The following MLLT10 variants were observed in gnomAD, a reference collection of about 807,000 sequenced individuals.
MLLT10 encodes the protein MLLT10 histone lysine methyltransferase DOT1L cofactor.
MLLT10 carries 30 observed loss-of-function variants against 129.1 expected under a neutral mutation model. The observed-to-expected ratio is 0.23, with a 90% CI of 0.17 to 0.32. MLLT10 has a LOEUF of 0.32. Among genes scored for constraint, MLLT10 ranks in the 10% least tolerant of loss-of-function variants. MLLT10 has a pLI of 1.00. For missense variants in MLLT10, 1,119 were observed against 1,268.3 expected, an observed-to-expected ratio of 0.88 and a Z score of 1.79; for synonymous variants, 490 against 446.4, an observed-to-expected ratio of 1.10 and a Z score of -1.23.
chr10:21,534,043 C>T (rs906662894), upstream of MLLT10: 66 of 166,736 alleles, frequency 4.0e-4, no homozygotes, highest in African/African-American at 1.5e-3. Context: ...CGCGCCCGTT[C>T]ATTCCGGCCT....
intron 8 of MLLT10, among the ~76,000 whole-genome samples, chr10:21,631,891 T>A (rs2047044964): frequency 6.6e-6 from 1 of 151,704 alleles, no homozygotes. Context: ...CCTTTGAAAG[T>A]TAGATAAATC....
chr10:21,580,489 C>T (rs2041289160), intron 3 of MLLT10, among the ~76,000 whole-genome samples: 1 of 149,926 alleles, frequency 6.7e-6, no homozygotes, highest in African/African-American at 2.5e-5. Context: ...CCTGGATTCA[C>T]GCCATTCTCC....
At chr10:21,624,493 A>G (rs1020198324) in intron 8 of MLLT10, 6 of 647,734 alleles carry the variant, frequency 9.3e-6, no homozygotes, top group African/African-American at 7.4e-5. Flanking sequence ...GCAAATTGCT[A>G]CTTAAAGATG....
At chr10:21,640,403 G>A (rs2047892511) in intron 8 of MLLT10, among the ~76,000 whole-genome samples, 1 of 150,156 alleles carries the variant, frequency 6.7e-6, no homozygotes, top group Non-Finnish European at 1.5e-5. Flanking sequence ...TATCACAGAA[G>A]TCTATCATTT....
At chr10:21,736,685 C>T (rs766090326) in intron 21 of MLLT10, among the ~76,000 whole-genome samples, 2 of 152,184 alleles carry the variant, frequency 1.3e-5, no homozygotes, top group Non-Finnish European at 2.9e-5. Context: ...TGTGGGAGAA[C>T]AGAACCCAAC....
chr10:21,710,911 T>G, intron 13 of MLLT10, among the ~76,000 whole-genome samples: 1 of 152,246 alleles, frequency 6.6e-6, no homozygotes, highest in East Asian at 1.9e-4. Flanking sequence ...TGTTCCTGTT[T>G]CAGTGAATGG....
At chr10:21,651,903 CTTTTTTTTTTTTTTT>C (rs775460288) in intron 9 of MLLT10, 135 bp downstream of exon 9, 15 of 133,772 alleles carry the variant, frequency 1.1e-4, no homozygotes, top group East Asian at 5.2e-4. Context: ...ATTCTCATTT[CTTTTTTTTTTTTTTT>C]TTTTTTTTTT....
chr10:21,578,703 T>C (rs2041052460), intron 3 of MLLT10, among the ~76,000 whole-genome samples: 1 of 152,222 alleles, frequency 6.6e-6, no homozygotes, highest in Non-Finnish European at 1.5e-5. Flanking sequence ...TATATTTCTT[T>C]ACTCTTTTCA....
At chr10:21,636,157 G>A (rs1313822665) in intron 8 of MLLT10, among the ~76,000 whole-genome samples, 1 of 151,878 alleles carries the variant, frequency 6.6e-6, no homozygotes, top group Non-Finnish European at 1.5e-5. Context: ...GTCTCACTCT[G>A]TCACCTAAAC....
At chr10:21,676,187 T>TG (rs1181335692) in intron 11 of MLLT10, among the ~76,000 whole-genome samples, 1 of 151,804 alleles carries the variant, frequency 6.6e-6, no homozygotes, top group Non-Finnish European at 1.5e-5. Flanking sequence ...CCCAGCACTT[T>TG]GGGAGGCTGA....
chr10:21,741,032 C>CTGTT (rs2058788416), intron 22 of MLLT10, among the ~76,000 whole-genome samples: 1 of 152,176 alleles, frequency 6.6e-6, no homozygotes, highest in Non-Finnish European at 1.5e-5. Context: ...GCAGTGTTTG[C>CTGTT]TGTTTCCCGT....
intron 2 of MLLT10, among the ~76,000 whole-genome samples, 184 bp downstream of exon 2, chr10:21,534,988 A>G (rs1418873584): frequency 2.0e-5 from 3 of 148,504 alleles, no homozygotes; most frequent in African/African-American, 4.9e-5. Context: ...TGTGGCCCGG[A>G]CTGTCATGTG....
intron 8 of MLLT10, among the ~76,000 whole-genome samples, chr10:21,621,327 C>G (rs2045829376): frequency 6.7e-6 from 1 of 149,710 alleles, no homozygotes; most frequent in South Asian, 2.1e-4. Flanking sequence ...TTACTGCAAG[C>G]TCCGCCTTCC....
intron 6 of MLLT10, among the ~76,000 whole-genome samples, chr10:21,613,694 G>A (rs1207653970): frequency 6.6e-6 from 1 of 150,886 alleles, no homozygotes; most frequent in Non-Finnish European, 1.5e-5. Flanking sequence ...CCTGAGCTCA[G>A]GAGTTCAGAG....
At chr10:21,649,316 A>G (rs1238380113) in intron 8 of MLLT10, among the ~76,000 whole-genome samples, 2 of 152,056 alleles carry the variant, frequency 1.3e-5, no homozygotes, top group East Asian at 3.9e-4. Flanking sequence ...GGCTTAAGTG[A>G]TCCTCCTGCC....
intron 14 of MLLT10, among the ~76,000 whole-genome samples, chr10:21,717,686 CTCCTCCTCCTCCTCT>C (rs1564710996): frequency 2.4e-4 from 14 of 59,132 alleles, no homozygotes; most frequent in Non-Finnish European, 3.5e-4. Context: ...CTTCCTCCTC[CTCCTCCTCCTCCTCT>C]TCCTCCTCCT....
At chr10:21,702,692 A>G (rs180944576) in intron 13 of MLLT10, among the ~76,000 whole-genome samples, 6 of 149,042 alleles carry the variant, frequency 4.0e-5, no homozygotes, top group African/African-American at 7.4e-5. Flanking sequence ...TCTTTTTTAC[A>G]GTTTTTTTTT....
intron 21 of MLLT10, among the ~76,000 whole-genome samples, chr10:21,739,532 T>G (rs972777500): frequency 6.6e-6 from 1 of 152,218 alleles, no homozygotes; most frequent in Non-Finnish European, 1.5e-5. Flanking sequence ...TTTATTTCCC[T>G]TTCCCTGCTC....
intron 5 of MLLT10, among the ~76,000 whole-genome samples, chr10:21,597,978 A>G (rs1364457389): frequency 5.9e-5 from 9 of 152,050 alleles, no homozygotes; most frequent in African/African-American, 2.2e-4. Context: ...TATAGTCAGT[A>G]TGGATTTTGT....
Sources: allele counts gnomAD v4.1 joint callset (sites outside exome capture counted in the v4.1 genomes callset), GRCh38; gene constraint gnomAD v4.1.1; transcripts MANE v1.5; gene names NCBI Gene and HGNC (gene_info 2026-07-23, HGNC 2026-07-21).